ADGRL3: variants seen among roughly 807,000 people sequenced by gnomAD.
The protein encoded by ADGRL3 is adhesion G protein-coupled receptor L3.
Under a neutral mutation model 153.5 loss-of-function variants are expected in ADGRL3, and 62 were observed. The observed-to-expected ratio is 0.40, with a 90% CI of 0.33 to 0.50. The LOEUF (loss-of-function observed/expected upper bound fraction) is 0.50. Ranked by LOEUF, ADGRL3 falls within the 20% of genes least tolerant of loss-of-function variation. The probability of loss-of-function intolerance (pLI) is 0.47; values close to 1 mark genes in which losing one functional copy is unlikely to be tolerated. For missense variants in ADGRL3, 1,641 were observed against 1,859.4 expected, an observed-to-expected ratio of 0.88 and a Z score of 2.16; for synonymous variants, 710 against 672.5, an observed-to-expected ratio of 1.06 and a Z score of -0.86.
rs1343107820 is a variant in ADGRL3 at position 61,590,573 on chromosome 4, T to G, written c.473+3133T>G. Among the ~76,000 whole-genome samples, 3 of 152,252 alleles carry G rather than the reference T, an allele frequency of 2.0e-5. 1 individual carries two copies. Among genetic ancestry groups the G allele is most frequent in the South Asian group, 4.1e-4 (2 of 4,824 alleles). ...GTGCAGTTTACCATAACAGTTACTT[T>G]TGGGCTTGATGGATAAATAAGTTAG... On this transcript the variant is annotated intron_variant, in intron 5 of 26. Transcript: ENST00000683033.
intron 1 of ADGRL3, among the ~76,000 whole-genome samples, chr4:61,356,736 T>C (rs114726658): frequency 1.3e-3 from 200 of 152,172 alleles, no homozygotes; most frequent in African/African-American, 4.6e-3. Flanking sequence ...ATAAACAAAA[T>C]GGCTTGGAAA....
intron 17 of ADGRL3, among the ~76,000 whole-genome samples, chr4:61,968,034 A>G (rs1258123093): frequency 6.6e-6 from 1 of 152,182 alleles, no homozygotes; most frequent in Non-Finnish European, 1.5e-5. Flanking sequence ...CCATGATAAC[A>G]ATATTAATCC....
chr4:61,316,574 A>G (rs897196888), intron 1 of ADGRL3, among the ~76,000 whole-genome samples: 2 of 152,206 alleles, frequency 1.3e-5, no homozygotes, highest in Non-Finnish European at 2.9e-5. Context: ...CCGTAAAAAG[A>G]TCATCTGGTT....
chr4:61,971,818 G>C (rs1048983710), intron 17 of ADGRL3, among the ~76,000 whole-genome samples: 1 of 152,102 alleles, frequency 6.6e-6, no homozygotes, highest in Non-Finnish European at 1.5e-5. Context: ...TCCAGCACCT[G>C]TTGTTTCCTG....
At chr4:61,750,935 T>TCTGTGGC (rs2096749845) in intron 8 of ADGRL3, among the ~76,000 whole-genome samples, 1 of 152,080 alleles carries the variant, frequency 6.6e-6, no homozygotes, top group Admixed American at 6.5e-5. Flanking sequence ...TCCGTAGCGG[T>TCTGTGGC]CTGTGGCCTG....
intron 5 of ADGRL3, among the ~76,000 whole-genome samples, chr4:61,619,776 A>G (rs1432485740): frequency 6.6e-6 from 1 of 152,218 alleles, no homozygotes; most frequent in African/African-American, 2.4e-5. Context: ...CTGGGGACTG[A>G]AACTGATCTC....
At chr4:61,698,735 A>G (rs1035766168) in intron 6 of ADGRL3, among the ~76,000 whole-genome samples, 6 of 152,216 alleles carry the variant, frequency 3.9e-5, no homozygotes, top group African/African-American at 1.4e-4. Context: ...CCATTCAGTC[A>G]TGGTGTGTTG....
At chr4:62,069,697 A>G (rs1744807600) in intron 26 of ADGRL3, among the ~76,000 whole-genome samples, 2 of 152,166 alleles carry the variant, frequency 1.3e-5, no homozygotes, top group African/African-American at 4.8e-5. Flanking sequence ...TTGTAAAATT[A>G]AAGGTAATGG....
At chr4:61,429,665 T>A (rs1428728145) in intron 2 of ADGRL3, among the ~76,000 whole-genome samples, 4 of 152,114 alleles carry the variant, frequency 2.6e-5, no homozygotes, top group South Asian at 2.1e-4. Flanking sequence ...AATGATTACA[T>A]TTTTTGTAGG....
intron 2 of ADGRL3, 24 bp downstream of exon 2, chr4:61,383,213 A>C (rs1445890442): frequency 6.6e-6 from 1 of 151,774 alleles, no homozygotes; most frequent in African/African-American, 2.4e-5. Context: ...TATTATTGCC[A>C]ACCATATAAT....
At chr4:61,291,567 CATATATATATATAT>C (rs1164521408) in intron 1 of ADGRL3, among the ~76,000 whole-genome samples, 12 of 134,370 alleles carry the variant, frequency 8.9e-5, no homozygotes, top group African/African-American at 3.7e-4. Flanking sequence ...TATATATATA[CATATATATATATAT>C]ACATATATAT....
At chr4:61,341,120 A>G (rs1297635779) in intron 1 of ADGRL3, among the ~76,000 whole-genome samples, 1 of 151,884 alleles carries the variant, frequency 6.6e-6, no homozygotes, top group African/African-American at 2.4e-5. Context: ...ACATTTACCT[A>G]TCCTTCATTT....
chr4:62,061,264 T>C (rs1339123008), intron 25 of ADGRL3, among the ~76,000 whole-genome samples: 1 of 151,920 alleles, frequency 6.6e-6, no homozygotes, highest in Non-Finnish European at 1.5e-5. Context: ...TGAGCCACTG[T>C]GCCCTGCCTA....
In ADGRL3 at chr4:61,365,457, T is replaced by A. The variant is rs139582075; in HGVS notation, c.-239-17667T>A. On this transcript the variant is annotated intron_variant, in intron 1 of 26. Coordinates refer to ENST00000683033, the MANE Select transcript of ADGRL3 (RefSeq NM_001387552.1). ...CTAAACTATCTCAGAAAGAATTAGA[T>A]CATTCATATATTGGAGGCAAGGGAA... 2.6e-3 allele frequency among the ~76,000 whole-genome samples: 393 copies of A among 152,276 alleles called. 5 individuals are homozygous for A. Among genetic ancestry groups the A allele is most frequent in the African/African-American group, 9.0e-3 (376 of 41,568 alleles).
chr4:61,463,025 T>C (rs187812782), intron 2 of ADGRL3, among the ~76,000 whole-genome samples: 1 of 152,136 alleles, frequency 6.6e-6, no homozygotes, highest in Non-Finnish European at 1.5e-5. Flanking sequence ...AAAGGTGAAA[T>C]AGGTTAAAAG....
At chr4:62,002,266 C>G (rs988909544) in intron 21 of ADGRL3, among the ~76,000 whole-genome samples, 1 of 146,826 alleles carries the variant, frequency 6.8e-6, no homozygotes, top group African/African-American at 2.5e-5. Flanking sequence ...ATCTAGTTGC[C>G]GTTGTCTTTC....
In ADGRL3 at chr4:61,369,911, A is replaced by G. The variant is rs866881887; in HGVS notation, c.-239-13213A>G. 5.7e-3 allele frequency among the ~76,000 whole-genome samples: 872 copies of G among 151,876 alleles called. 7 individuals are homozygous for G. Among genetic ancestry groups the G allele is most frequent in the African/African-American group, 0.019 (786 of 41,336 alleles). ...GATTATTGCCACAATTTCAGATCCT[A>G]TTATTGGTCTATTCAGAGATTCAAC... On this transcript the variant is annotated intron_variant, in intron 1 of 26. Transcript: ENST00000683033.
intron 1 of ADGRL3, among the ~76,000 whole-genome samples, chr4:61,332,666 T>G (rs1255559358): frequency 4.6e-5 from 7 of 152,156 alleles, no homozygotes; most frequent in African/African-American, 1.7e-4. Context: ...GATGTTTTGT[T>G]GATAATTAAG....
chr4:61,627,076 A>T (rs1203982026), intron 5 of ADGRL3, among the ~76,000 whole-genome samples: 1 of 152,128 alleles, frequency 6.6e-6, no homozygotes, highest in Non-Finnish European at 1.5e-5. Context: ...AATTAAAATA[A>T]CCCTCTACCC....
Sources: gnomAD v4.1 joint callset for allele counts (sites outside exome capture counted in the v4.1 genomes callset) on GRCh38, gnomAD v4.1.1 for gene constraint, MANE v1.5 for transcripts, NCBI Gene and HGNC (gene_info 2026-07-23, HGNC 2026-07-21) for gene names.